The following EIF2D variants were observed in gnomAD, a reference collection of about 807,000 sequenced individuals.
The protein encoded by EIF2D is hepatocellular carcinoma-associated antigen 56.
A neutral mutation model predicts 77.4 loss-of-function variants in EIF2D; 56 were observed. The observed-to-expected ratio is 0.72, with a 90% CI of 0.58 to 0.90. The LOEUF is 0.90. Among genes scored for constraint, EIF2D ranks in the 40% least tolerant of loss-of-function variants. The pLI is 0.00. For synonymous variants in EIF2D, 230 were observed against 271.0 expected, an observed-to-expected ratio of 0.85 and a Z score of 1.49; for missense variants, 574 against 706.5, an observed-to-expected ratio of 0.81 and a Z score of 2.13.
chr1:206,606,947 C>A (rs1467865137), intron 4 of EIF2D, among the ~76,000 whole-genome samples: 1 of 152,200 alleles, frequency 6.6e-6, no homozygotes, highest in Admixed American at 6.5e-5. Context: ...AGAAAATACA[C>A]ATGATCTTCA....
downstream of EIF2D, among the ~76,000 whole-genome samples, chr1:206,590,480 T>A (rs1413831851): frequency 6.6e-6 from 1 of 152,218 alleles, no homozygotes; most frequent in Non-Finnish European, 1.5e-5. Flanking sequence ...ATTACTACTA[T>A]ACAGATCATA....
chr1:206,573,454 C>T (rs906161084), intron 4 of EIF2D, among the ~76,000 whole-genome samples: 1 of 152,182 alleles, frequency 6.6e-6, no homozygotes, highest in Non-Finnish European at 1.5e-5. Flanking sequence ...GGATCTGGGA[C>T]GCCATAGAGG....
intron 12 of EIF2D, among the ~76,000 whole-genome samples, chr1:206,596,876 C>G (rs1669672304): frequency 6.6e-6 from 1 of 151,884 alleles, no homozygotes; most frequent in Admixed American, 6.6e-5. Flanking sequence ...AATTAATGTT[C>G]CTTTTTGTTC....
chr1:206,590,351 C>T (rs1020141744), downstream of EIF2D, among the ~76,000 whole-genome samples: 6 of 152,178 alleles, frequency 3.9e-5, no homozygotes, highest in South Asian at 2.1e-4. Flanking sequence ...ATCAACAAGG[C>T]GGGACATGAC....
Position 206,599,348 on chromosome 1 carries a change from G to T in EIF2D, c.1202+115C>A. On this transcript the variant is annotated intron_variant, in intron 10 of 14. Transcript: ENST00000271764. This position sits in a 1 kb window ranked among gnomAD's most constrained non-coding sequence, Gnocchi z 4.1. ...GCTGGAAGCTGGATTTTGGAGAAGGGGAGAACAGGGGCAGAGCAGGTTTTG... is the reference window on the plus strand; with the variant it reads ...GCTGGAAGCTGGATTTTGGAGAAGGTGAGAACAGGGGCAGAGCAGGTTTTG... The T allele has an allele frequency of 7.3e-7, 1 of 1,373,218 alleles. No individual in the cohort carries two copies. The highest frequency in any genetic ancestry group is 1.3e-5 in the South Asian group (1 of 74,544). 85.1% of individuals were successfully genotyped at this position (1,373,218 alleles called of 1,614,324 possible).
chr1:206,581,649 GAGAA>G (rs1437904049), intron 2 of EIF2D, among the ~76,000 whole-genome samples: 5 of 151,194 alleles, frequency 3.3e-5, no homozygotes, highest in African/African-American at 9.8e-5. Flanking sequence ...GAGAGAGAGA[GAGAA>G]AGAAAAGGAA....
At chr1:206,571,559 C>A (rs1668450189) in intron 5 of EIF2D, 1 of 152,152 alleles carries the variant, frequency 6.6e-6, no homozygotes, top group Non-Finnish European at 1.5e-5. Context: ...TAATGAGGGA[C>A]ACAGGCTTGT....
In EIF2D at chr1:206,585,130, C is replaced by T. The variant is rs376377478; in HGVS notation, c.139-3968G>A. The T allele has an allele frequency of 1.0e-4, 149 of 1,427,230 alleles. No individual in the cohort carries two copies. In the African/African-American group the frequency reaches 2.0e-3, roughly 19 times the overall value. The allele number at this position is 1,427,230 out of a possible 1,614,324, so 88.4% of individuals were successfully genotyped here. ...CAATCCTTTCCCGCAAGCCTGGGCC[C>T]CGCCCTTCTTTTCTGGGAAGAGCTC... On this transcript the variant is annotated intron_variant and NMD_transcript_variant, in intron 2 of 5. Coordinates refer to the EIF2D transcript ENST00000472709.
intron 14 of EIF2D, 113 bp downstream of exon 14, chr1:206,593,506 A>AGTGTGTGTGTGTGTGCGTGTGTGT: frequency 2.3e-6 from 1 of 441,294 alleles, no homozygotes. Flanking sequence ...AGAGAGAGAG[A>AGTGTGTGTGTGTGTGCGTGTGTGT]GAGTGTGTGT....
chr1:206,572,814 G>A (rs1558518026), intron 4 of EIF2D: 3 of 151,996 alleles, frequency 2.0e-5, no homozygotes, highest in African/African-American at 7.3e-5. Context: ...TTTTCAGTGG[G>A]TTTTTTTTAA....
rs1342121861 is a variant in EIF2D at position 206,592,963 on chromosome 1, G to A, written c.1684+656C>T. On this transcript the variant is annotated intron_variant, in intron 14 of 14. Coordinates refer to ENST00000271764, the MANE Select transcript of EIF2D (RefSeq NM_006893.3). The surrounding 1 kb of genome is among the most constrained non-coding windows in gnomAD (Gnocchi z 4.7). ...CTAAAAATACAAAAATTAGCTGGCC[G>A]TGGTGGCATGCGCCTATAATCCCAG... Among the ~76,000 whole-genome samples, 5 of 152,118 alleles carry A rather than the reference G, an allele frequency of 3.3e-5. No individual in the cohort carries two copies. Among genetic ancestry groups the A allele is most frequent in the African/African-American group, 9.7e-5 (4 of 41,420 alleles).
At position 206,584,752 on chromosome 1, in the gene EIF2D, C is replaced by G; in HGVS notation, c.139-3590G>C. 1.9e-6 allele frequency: 3 copies of G among 1,550,966 alleles called. No homozygotes were observed. The highest frequency in any genetic ancestry group is 2.6e-6 in the Non-Finnish European group (3 of 1,135,172). ...CTGTGTCCAAGCCCACCCACTAAAACTCCTGCCGGCCTTGGGTGGGAGCTG... is the reference window on the plus strand; with the variant it reads ...CTGTGTCCAAGCCCACCCACTAAAAGTCCTGCCGGCCTTGGGTGGGAGCTG... On this transcript the variant is annotated intron_variant and NMD_transcript_variant, in intron 2 of 5. Transcript: ENST00000472709. This position sits in a 1 kb window ranked among gnomAD's most constrained non-coding sequence, Gnocchi z 4.9.
chr1:206,573,349 C>G (rs1046149683), intron 4 of EIF2D, among the ~76,000 whole-genome samples: 10 of 152,112 alleles, frequency 6.6e-5, no homozygotes, highest in Admixed American at 6.5e-4. Context: ...TTCTCAAGAC[C>G]ATGTAGTGAG....
intron 8 of EIF2D, 54 bp downstream of exon 8, chr1:206,600,209 T>C (rs1669855767): frequency 6.4e-7 from 1 of 1,557,370 alleles, no homozygotes. Flanking sequence ...GCTTATGTCA[T>C]ATGTGCCCCT....
At chr1:206,607,069 A>G (rs17012600) in intron 4 of EIF2D, among the ~76,000 whole-genome samples, 2,008 of 152,336 alleles carry the variant, frequency 0.013, 49 homozygotes, top group African/African-American at 0.046. Context: ...GGCAACCTCA[A>G]TGTCCACCAG....
At chr1:206,605,704 A>C (rs1670173907) in intron 4 of EIF2D, among the ~76,000 whole-genome samples, 197 bp from the exon 5 acceptor site, 1 of 152,206 alleles carries the variant, frequency 6.6e-6, no homozygotes, top group Non-Finnish European at 1.5e-5. Flanking sequence ...CCCTTGACCA[A>C]ATATTAAACT....
intron 13 of EIF2D, 102 bp downstream of exon 13, chr1:206,595,616 A>G (rs782334279): frequency 7.1e-6 from 10 of 1,406,958 alleles, no homozygotes; most frequent in Non-Finnish European, 9.6e-6. Context: ...ATCTTTGATG[A>G]GTTTGAGGCC....
In EIF2D at chr1:206,579,127, C is replaced by T. The variant is rs1020312847; in HGVS notation, c.*254+1565G>A. ...AAAAGAAGACATTGCCCTTTTCCAC[C>T]GCATAGGACATGTGAGCACAAACCT... On this transcript the variant is annotated intron_variant and NMD_transcript_variant, in intron 4 of 5. Coordinates refer to the EIF2D transcript ENST00000472709. The surrounding 1 kb of genome is among the most constrained non-coding windows in gnomAD (Gnocchi z 4.2). Among the ~76,000 whole-genome samples, 9 of 152,138 alleles carry T rather than the reference C, an allele frequency of 5.9e-5. No individual in the cohort carries two copies. The highest frequency in any genetic ancestry group is 1.3e-4 in the Admixed American group (2 of 15,280).
At chr1:206,570,939 C>G (rs1349517279), downstream of EIF2D, among the ~76,000 whole-genome samples, 1 of 152,142 alleles carries the variant, frequency 6.6e-6, no homozygotes, top group Non-Finnish European at 1.5e-5. Context: ...CTCACATCTT[C>G]TGGGTGTATA....
Sources: allele counts gnomAD v4.1 joint callset (sites outside exome capture counted in the v4.1 genomes callset), GRCh38; gene constraint gnomAD v4.1.1; non-coding constraint Gnocchi (gnomAD v3.1); transcripts MANE v1.5; gene names NCBI Gene and HGNC (gene_info 2026-07-23, HGNC 2026-07-21).